Variants in CEP128 observed in about 807,000 individuals in gnomAD.
CEP128 encodes centrosomal protein 128.
CEP128 carries 132 observed loss-of-function variants against 156.7 expected under a neutral mutation model. The ratio of observed to expected loss-of-function variants is 0.84; its 90% CI spans 0.73 to 0.97. The LOEUF is 0.97. Among genes scored for constraint, CEP128 ranks in the 50% least tolerant of loss-of-function variants. The pLI is 0.00. For missense variants in CEP128, 1,252 were observed against 1,281.9 expected (o/e 0.98, Z 0.36); for synonymous variants, 469 against 448.9 (o/e 1.04, Z -0.57).
chr14:80,681,989 T>A (rs1896342805), intron 19 of CEP128, among the ~76,000 whole-genome samples: 1 of 152,096 alleles, frequency 6.6e-6, no homozygotes, highest in Admixed American at 6.6e-5. Context: ...ACACCTGCAG[T>A]CCTAGCTACT....
At chr14:80,836,983 T>G (rs1338937177) in intron 11 of CEP128, among the ~76,000 whole-genome samples, 1 of 152,196 alleles carries the variant, frequency 6.6e-6, no homozygotes, top group South Asian at 2.1e-4. Context: ...AGATTATAAG[T>G]TAGAGTTCCA....
intron 16 of CEP128, among the ~76,000 whole-genome samples, chr14:80,767,379 G>A (rs541245395): frequency 8.6e-5 from 13 of 151,974 alleles, no homozygotes; most frequent in African/African-American, 2.7e-4. Flanking sequence ...AGATTTTTAC[G>A]TAATGGAGAG....
intron 13 of CEP128, among the ~76,000 whole-genome samples, chr14:80,798,100 T>C (rs1489481820): frequency 1.3e-5 from 2 of 152,168 alleles, no homozygotes; most frequent in Non-Finnish European, 2.9e-5. Flanking sequence ...AACAGAATTA[T>C]CCATATTACC....
intron 13 of CEP128, among the ~76,000 whole-genome samples, chr14:80,814,936 T>C (rs1453713553): frequency 6.6e-6 from 1 of 152,184 alleles, no homozygotes; most frequent in Non-Finnish European, 1.5e-5. Context: ...CGCTCACCTG[T>C]AATCCCTGCT....
intron 13 of CEP128, among the ~76,000 whole-genome samples, chr14:80,817,899 G>A (rs1472717432): frequency 2.0e-5 from 3 of 151,770 alleles, no homozygotes; most frequent in East Asian, 3.9e-4. Flanking sequence ...AAACTCACTT[G>A]AAAGCCCCAA....
At chr14:80,680,050 T>G (rs12885089) in intron 19 of CEP128, among the ~76,000 whole-genome samples, 20,011 of 152,158 alleles carry the variant, frequency 0.13, 1,713 homozygotes, top group East Asian at 0.43. Flanking sequence ...ATTTTAGTCT[T>G]GAGCCAGAGA....
chr14:80,767,142 A>G (rs1055720043), intron 16 of CEP128, among the ~76,000 whole-genome samples: 2 of 152,146 alleles, frequency 1.3e-5, no homozygotes, highest in African/African-American at 4.8e-5. Flanking sequence ...CTCAGCTGCA[A>G]AGAAGTTAGG....
intron 2 of CEP128, chr14:80,955,501 G>A (rs929804175): frequency 2.2e-5 from 16 of 724,116 alleles, no homozygotes; most frequent in Admixed American, 4.5e-5. Flanking sequence ...GAGCACTTAA[G>A]TGCCTCTTTT....
At chr14:80,593,810 A>G (rs1892193557) in intron 19 of CEP128, among the ~76,000 whole-genome samples, 1 of 152,162 alleles carries the variant, frequency 6.6e-6, no homozygotes, top group African/African-American at 2.4e-5. Context: ...CCACTGCTCA[A>G]GGAAATAAGA....
chr14:80,804,334 G>A (rs944960726), intron 13 of CEP128, among the ~76,000 whole-genome samples: 1 of 152,002 alleles, frequency 6.6e-6, no homozygotes, highest in Non-Finnish European at 1.5e-5. Context: ...TTGCCTAAAT[G>A]TATCAAAATC....
intron 19 of CEP128, among the ~76,000 whole-genome samples, chr14:80,646,676 C>G (rs961989045): frequency 1.3e-5 from 2 of 151,768 alleles, no homozygotes; most frequent in Admixed American, 6.6e-5. Context: ...ATGTGAGTAT[C>G]TACTCTTAGC....
At chr14:80,538,722 T>C (rs1889601454) in intron 21 of CEP128, among the ~76,000 whole-genome samples, 1 of 152,226 alleles carries the variant, frequency 6.6e-6, no homozygotes, top group Non-Finnish European at 1.5e-5. Context: ...TTTTTAAATG[T>C]AGAATTTGCA....
At chr14:80,625,487 T>A (rs1893673735) in intron 19 of CEP128, among the ~76,000 whole-genome samples, 1 of 152,186 alleles carries the variant, frequency 6.6e-6, no homozygotes, top group African/African-American at 2.4e-5. Context: ...TCTATTTTTA[T>A]GAAGAATATC....
chr14:80,737,082 TA>T (rs1213161712), intron 19 of CEP128, among the ~76,000 whole-genome samples: 3 of 152,228 alleles, frequency 2.0e-5, no homozygotes, highest in African/African-American at 7.2e-5. Context: ...CATAATTTTT[TA>T]AAAACTATTC....
intron 19 of CEP128, among the ~76,000 whole-genome samples, chr14:80,665,672 A>G (rs578001255): frequency 1.6e-4 from 25 of 152,268 alleles, no homozygotes; most frequent in Middle Eastern, 3.4e-3. Flanking sequence ...TTTATTCCCT[A>G]ATCTCTCGGG....
At chr14:80,501,828 G>A (rs991744900) in intron 24 of CEP128, among the ~76,000 whole-genome samples, 12 of 151,664 alleles carry the variant, frequency 7.9e-5, no homozygotes, top group Admixed American at 2.0e-4. Context: ...GCAGGGCTTC[G>A]ACACCTGCCC....
intron 5 of CEP128, 104 bp from the exon 6 acceptor site, chr14:80,905,035 T>C: frequency 7.0e-6 from 5 of 718,396 alleles, no homozygotes; most frequent in Non-Finnish European, 1.3e-5. Flanking sequence ...ATACATATAT[T>C]CATGTCCCTA....
At chr14:80,676,802 CTTAA>C (rs1463763803) in intron 19 of CEP128, among the ~76,000 whole-genome samples, 5 of 152,030 alleles carry the variant, frequency 3.3e-5, no homozygotes, top group African/African-American at 4.8e-5. Flanking sequence ...CTGTTTCTCA[CTTAA>C]TTAATTAATG....
chr14:80,493,129 G>A (rs191584988), downstream of CEP128, among the ~76,000 whole-genome samples: 520 of 152,214 alleles, frequency 3.4e-3, 4 homozygotes, highest in African/African-American at 0.012. Flanking sequence ...AAAAATGAGA[G>A]GGCGACAAGT....
Sources: allele counts gnomAD v4.1 joint callset (sites outside exome capture counted in the v4.1 genomes callset), GRCh38; gene constraint gnomAD v4.1.1; transcripts MANE v1.5; gene names NCBI Gene and HGNC (gene_info 2026-07-23, HGNC 2026-07-21).